The following MOG variants were observed in gnomAD, a reference collection of about 807,000 sequenced individuals.
The protein encoded by MOG is myelin oligodendrocyte glycoprotein, also known as myelin-oligodendrocyte glycoprotein.
In MOG, 20 loss-of-function variants were observed where a neutral mutation model predicts 35.9. The observed-to-expected ratio is 0.56, with a 90% CI of 0.39 to 0.81. MOG has a LOEUF of 0.81. Ranked by LOEUF, MOG falls within the 30% of genes least tolerant of loss-of-function variation. The probability of loss-of-function intolerance (pLI) is 0.00; values close to 1 mark genes in which losing one functional copy is unlikely to be tolerated. For missense variants in MOG, 251 were observed against 301.0 expected (o/e 0.83, Z 1.23); for synonymous variants, 92 against 114.3 (o/e 0.80, Z 1.25).
At chr6:29,664,770 AATTTTTAATTTTTTT>A in intron 2 of MOG, 1 of 339,658 alleles carries the variant, frequency 2.9e-6, no homozygotes, top group Non-Finnish European at 5.8e-6. Flanking sequence ...ATGCCCAGGT[AATTTTTAATTTTTTT>A]TCGTAGAGGC....
At position 29,670,106 on chromosome 6, in the gene MOG, G is replaced by A. The variant is rs373923443; in HGVS notation, c.593-175G>A. 1,655 of 1,078,130 alleles carry A rather than the reference G, an allele frequency of 1.5e-3. 12 individuals are homozygous for A. Among genetic ancestry groups the A allele is most frequent in the Middle Eastern group, 0.012 (53 of 4,594 alleles). The allele number at this position is 1,078,130 out of a possible 1,614,324, so 66.8% of individuals were successfully genotyped here. ...TTAATGAAAGAAAATGTTAAATCCA[G>A]TTATTGAAAATAAGGAGGCAGTACT... is the stretch of plus-strand genomic sequence containing the variant. On this transcript the variant is annotated intron_variant, in intron 5 of 7. Coordinates refer to ENST00000376917, the MANE Select transcript of MOG (RefSeq NM_206809.4). The surrounding 1 kb of genome is among the most constrained non-coding windows in gnomAD (Gnocchi z 4.2).
chr6:29,667,866 T>C (rs1770564787), intron 4 of MOG, 38 bp from the exon 5 acceptor site: 2 of 1,612,942 alleles, frequency 1.2e-6, no homozygotes, highest in Non-Finnish European at 1.7e-6. Flanking sequence ...CCTTTTTGAG[T>C]GCCCTACTAA....
At chr6:29,666,845 A>G (rs1320061049) in intron 3 of MOG, among the ~76,000 whole-genome samples, 6 of 152,186 alleles carry the variant, frequency 3.9e-5, no homozygotes, top group Non-Finnish European at 8.8e-5. Context: ...CCCCAATGCC[A>G]GAGCAGGAAG....
chr6:29,666,095 T>G, intron 2 of MOG, 57 bp from the exon 3 acceptor site: 5 of 1,057,916 alleles, frequency 4.7e-6, no homozygotes, highest in Non-Finnish European at 7.4e-6. Context: ...CCAGACACCA[T>G]GCTGAGTGTT....
rs1308619633 is a variant in MOG, at chr6:29,659,620, A to C, written c.390A>C (p.Arg130=). 6.2e-7 allele frequency: 1 copy of C among 1,613,160 alleles called. No individual in the cohort carries two copies. The highest frequency in any genetic ancestry group is 2.2e-5 in the East Asian group (1 of 44,884). Residue 130 remains arginine (R), a synonymous_variant, in exon 2 of 8, where the codon CGA becomes CGC. Coordinates refer to ENST00000376917, the MANE Select transcript of MOG (RefSeq NM_206809.4). ...AAGGAGGTTTCACCTGCTTCTTCCG[A>C]GATCATTCTTACCAAGAGGAGGCAG... ...SDEGGFTCFF[R]DHSYQEEAAM... is the part of the protein sequence containing the mutation.
At chr6:29,661,816 CAAAAAAAAAA>C in intron 2 of MOG, 1 of 872,100 alleles carries the variant, frequency 1.1e-6, no homozygotes, top group Non-Finnish European at 1.3e-6. Context: ...AACTCCATCT[CAAAAAAAAAA>C]AAAAAAAAAA....
At chr6:29,657,347 G>C (rs182970633) in intron 1 of MOG, 50 bp downstream of exon 1, 1 of 1,399,884 alleles carries the variant, frequency 7.1e-7, no homozygotes, top group South Asian at 1.2e-5. Context: ...AAACAGAAAG[G>C]CTAGTTTCCT....
chr6:29,669,858 C>T (rs542015300), intron 5 of MOG, among the ~76,000 whole-genome samples: 1 of 152,098 alleles, frequency 6.6e-6, no homozygotes, highest in African/African-American at 2.4e-5. Context: ...GCAACCTCCG[C>T]CTCCCAGGTT....
At position 29,671,161 on chromosome 6, in the gene MOG, C is replaced by A; in HGVS notation, c.731-11C>A. 6.2e-7 allele frequency: 1 copy of A among 1,612,978 alleles called. No homozygotes were observed. The highest frequency in any genetic ancestry group is 8.5e-7 in the Non-Finnish European group (1 of 1,179,998). On this transcript the variant is annotated splice_polypyrimidine_tract_variant and intron_variant, in intron 7 of 7. Transcript: ENST00000376917. ...ACATACGTTTTTCAAGTTATTTTCT[C>A]CTTCTTCTAGGAAATCCCTTCTGAG... is the stretch of plus-strand genomic sequence containing the variant.
chr6:29,660,365 CAAAA>C (rs41283830), intron 2 of MOG, among the ~76,000 whole-genome samples: 1 of 114,586 alleles, frequency 8.7e-6, no homozygotes, highest in Admixed American at 9.1e-5. Context: ...ACTAAAAATA[CAAAA>C]AAAAAAAAAA....
At chr6:29,668,288 G>GT (rs1410315993) in intron 5 of MOG, among the ~76,000 whole-genome samples, 2 of 152,162 alleles carry the variant, frequency 1.3e-5, no homozygotes, top group Non-Finnish European at 2.9e-5. Context: ...AGACACAACT[G>GT]TATCACCTGT....
Position 29,670,705 on chromosome 6 carries a change from A to T in MOG, c.714A>T (p.Gln238His). 6.2e-7 allele frequency: 1 copy of T among 1,612,570 alleles called. No individual in the cohort carries two copies. The highest frequency in any genetic ancestry group is 8.5e-7 in the Non-Finnish European group (1 of 1,179,812). ...YNWLHRRLAG[Q>H]FLEELRNPF ...TTTGTTTCTTTTTGTTTTCAGGGCA[A>T]TTCCTTGAAGAGCTACGTAAGTTCT... Residue 238 changes from glutamine to histidine, a missense_variant, in exon 7 of 8, where the codon CAA (glutamine) becomes CAT (histidine). Physicochemically the swap from Gln to His is conservative, Grantham distance 24. Transcript: ENST00000376917. This position sits in a 1 kb window ranked among gnomAD's most constrained non-coding sequence, Gnocchi z 4.2.
intron 2 of MOG, chr6:29,661,787 G>A: frequency 1.0e-6 from 1 of 963,228 alleles, no homozygotes; most frequent in Non-Finnish European, 1.2e-6. Context: ...TTACACTCCA[G>A]TCTGGGCAAG....
chr6:29,668,680 C>T (rs1407599390), intron 5 of MOG, among the ~76,000 whole-genome samples: 1 of 152,178 alleles, frequency 6.6e-6, no homozygotes, highest in African/African-American at 2.4e-5. Flanking sequence ...ACCACACACA[C>T]ACACATCTTT....
At chr6:29,658,298 C>T (rs1324684066) in intron 1 of MOG, among the ~76,000 whole-genome samples, 1 of 152,202 alleles carries the variant, frequency 6.6e-6, no homozygotes, top group Non-Finnish European at 1.5e-5. Context: ...AGTGCATCCA[C>T]TCTCCAGGTC....
Position 29,660,273 on chromosome 6 carries a change from G to A in MOG, c.436+607G>A, listed in dbSNP as rs190436803. Among the ~76,000 whole-genome samples the A allele has an allele frequency of 3.6e-3, 547 of 151,780 alleles. 16 individuals carry two copies. In the South Asian group the frequency reaches 0.059, roughly 16 times the overall value. ...GCCGTGGCTCACGCCTGTAATCCCA[G>A]CACTGTGGGAGGCCGAGGTGGGCAG... On this transcript the variant is annotated intron_variant, in intron 2 of 7. Coordinates refer to ENST00000376917, the MANE Select transcript of MOG (RefSeq NM_206809.4).
Position 29,671,613 on chromosome 6 carries a change from G to A in MOG, c.*428G>A. On this transcript the variant is annotated 3_prime_UTR_variant, in exon 8 of 8. Coordinates refer to ENST00000376917, the MANE Select transcript of MOG (RefSeq NM_206809.4). Reference sequence around the variant, plus strand: ...TTCTTCCAAGACTCCAGCCCTGATTGCGCAAAACTGAAAGGCATGTGAAGG... The same window carrying A: ...TTCTTCCAAGACTCCAGCCCTGATTACGCAAAACTGAAAGGCATGTGAAGG... The A allele has an allele frequency of 1.5e-6, 1 of 671,236 alleles. No individual in the cohort carries two copies. The highest frequency in any genetic ancestry group is 2.4e-5 in the Admixed American group (1 of 42,254). 41.6% of individuals were successfully genotyped at this position (671,236 alleles called of 1,614,324 possible). A position where few individuals can be genotyped will look rare whatever the true frequency, so the allele number is the denominator to read the frequency against.
intron 2 of MOG, among the ~76,000 whole-genome samples, chr6:29,665,730 C>CAGTGGTAAAGGTATAGGAAGTCAGGGG (rs1562196607): frequency 1.5e-5 from 2 of 131,692 alleles, no homozygotes; most frequent in African/African-American, 3.5e-5. Flanking sequence ...CCTTGAACTA[C>CAGTGGTAAAGGTATAGGAAGTCAGGGG]ATATTTGAAA....
chr6:29,659,758 T>C, intron 2 of MOG, 92 bp downstream of exon 2: 1 of 1,018,902 alleles, frequency 9.8e-7, no homozygotes, highest in Non-Finnish European at 1.5e-6. Context: ...AACCCAAACA[T>C]CTCAGTCCTG....
Sources: gnomAD v4.1 joint callset for allele counts (sites outside exome capture counted in the v4.1 genomes callset) on GRCh38, gnomAD v4.1.1 for gene constraint, Gnocchi (gnomAD v3.1) non-coding constraint, MANE v1.5 for transcripts, NCBI Gene and HGNC (gene_info 2026-07-23, HGNC 2026-07-21) for gene names.